The following CD274 variants were observed in gnomAD, a reference collection of about 807,000 sequenced individuals.
The protein encoded by CD274 is programmed cell death 1 ligand 1.
Under a neutral mutation model 30.1 loss-of-function variants are expected in CD274, and 8 were observed. The ratio of observed to expected loss-of-function variants is 0.27; its 90% CI spans 0.16 to 0.48. CD274 has a LOEUF of 0.48. Ranked by LOEUF, CD274 falls within the 20% of genes least tolerant of loss-of-function variation. The pLI is 0.99. For missense variants in CD274, 353 were observed against 346.6 expected (o/e 1.02, Z -0.15); for synonymous variants, 152 against 124.6 (o/e 1.22, Z -1.46).
At chr9:5,466,858 A>G (rs755492179) in intron 6 of CD274, 29 bp downstream of exon 6, 23 of 1,551,076 alleles carry the variant, frequency 1.5e-5, no homozygotes, top group Non-Finnish European at 1.9e-5. Flanking sequence ...ATTGGGAAGT[A>G]AAAGTCAAAG....
rs960400081 is a variant in CD274 at position 5,468,730 on chromosome 9, T to C, written c.*868T>C. 5 of 232,972 alleles carry C rather than the reference T, an allele frequency of 2.1e-5. No homozygotes were observed. The highest frequency in any genetic ancestry group is 1.1e-4 in the African/African-American group (5 of 45,340). 14.4% of individuals were successfully genotyped at this position (232,972 alleles called of 1,614,324 possible). Reference sequence around the variant, plus strand: ...GTGATAACCACTATTATTTTACCCATCGTACAGCTGAGGAAGCAAACAGAT... The same window carrying C: ...GTGATAACCACTATTATTTTACCCACCGTACAGCTGAGGAAGCAAACAGAT... On this transcript the variant is annotated 3_prime_UTR_variant, in exon 7 of 7. Transcript: ENST00000381577.
chr9:5,469,531 T>A lies in CD274; in HGVS notation c.*1669T>A. On this transcript the variant is annotated 3_prime_UTR_variant, in exon 7 of 7. Coordinates refer to ENST00000381577, the MANE Select transcript of CD274 (RefSeq NM_014143.4). ...AAATAGTAACACATTGTATGTCTGCTGTGTACTTTGCTATTTTTATTTATT... is the reference window on the plus strand; with the variant it reads ...AAATAGTAACACATTGTATGTCTGCAGTGTACTTTGCTATTTTTATTTATT... 8.6e-6 allele frequency: 2 copies of A among 231,730 alleles called. No individual in the cohort carries two copies. The highest frequency in any genetic ancestry group is 1.7e-5 in the Non-Finnish European group (2 of 117,122). The allele number at this position is 231,730 out of a possible 1,614,324, so 14.4% of individuals were successfully genotyped here. A position where few individuals can be genotyped will look rare whatever the true frequency, so the allele number is the denominator to read the frequency against.
chr9:5,459,150 C>T (rs186610922), intron 3 of CD274, among the ~76,000 whole-genome samples: 1 of 152,284 alleles, frequency 6.6e-6, no homozygotes, highest in Admixed American at 6.5e-5. Context: ...AATAGGAAAT[C>T]TTCCGGCACT....
At chr9:5,461,330 G>A (rs1192037878) in intron 3 of CD274, among the ~76,000 whole-genome samples, 1 of 152,026 alleles carries the variant, frequency 6.6e-6, no homozygotes, top group African/African-American at 2.4e-5. Flanking sequence ...TTTGTAAGAT[G>A]GTTAGTTTAG....
intron 1 of CD274, 126 bp from the exon 2 acceptor site, chr9:5,455,974 A>G (rs761987958): frequency 9.6e-5 from 61 of 635,780 alleles, no homozygotes; most frequent in Non-Finnish European, 1.5e-4. Context: ...GGTTTCCACA[A>G]TTACAAGTCA....
At chr9:5,465,901 T>A (rs1819491065) in intron 5 of CD274, 1 of 206,602 alleles carries the variant, frequency 4.8e-6, no homozygotes, top group East Asian at 1.0e-4. Context: ...TGCCCGTCAT[T>A]TTCAGTTGCA....
At chr9:5,465,630 G>A (rs2131230477) in intron 5 of CD274, 24 bp downstream of exon 5, 2 of 1,347,908 alleles carry the variant, frequency 1.5e-6, no homozygotes, top group Non-Finnish European at 1.1e-6. Flanking sequence ...AATTGCAGTG[G>A]TCTCCACTGG....
At position 5,465,511 on chromosome 9, in the gene CD274, C is replaced by T. The variant is rs747218330; in HGVS notation, c.695C>T (p.Ala232Val). Residue 232 changes from alanine to valine, a missense_variant, in exon 5 of 7, where the codon GCA becomes GTA. Ala to Val is a moderately conservative substitution (Grantham distance 64, BLOSUM62 0). Coordinates refer to ENST00000381577, the MANE Select transcript of CD274 (RefSeq NM_014143.4). ...AELVIPELPL[A>V]HPPNERTHLV... The stretch of plus-strand genomic sequence containing the variant: ...TTTTGTTTTTCAGAACTACCTCTGG[C>T]ACATCCTCCAAATGAAAGGACTCAC... 4 of 1,605,862 alleles carry T rather than the reference C, an allele frequency of 2.5e-6. No homozygotes were observed. In the South Asian group the frequency reaches 4.4e-5, roughly 18 times the overall value.
chr9:5,463,657 C>G (rs757625724), intron 4 of CD274, among the ~76,000 whole-genome samples: 1 of 152,146 alleles, frequency 6.6e-6, no homozygotes, highest in Non-Finnish European at 1.5e-5. Context: ...CCAAGGTAGT[C>G]TACAATATTT....
chr9:5,455,591 C>A (rs1460388738), intron 1 of CD274, among the ~76,000 whole-genome samples: 3 of 151,966 alleles, frequency 2.0e-5, no homozygotes, highest in African/African-American at 7.3e-5. Context: ...AAGGATGGCA[C>A]CTGAAGGAGG....
chr9:5,458,971 G>C (rs2131215939), intron 3 of CD274, among the ~76,000 whole-genome samples: 1 of 152,304 alleles, frequency 6.6e-6, no homozygotes, highest in East Asian at 1.9e-4. Context: ...CAGGAAGAAG[G>C]CAGCATAAAG....
chr9:5,461,025 A>G (rs1274463188), intron 3 of CD274, among the ~76,000 whole-genome samples: 1 of 152,156 alleles, frequency 6.6e-6, no homozygotes, highest in Non-Finnish European at 1.5e-5. Context: ...AATAAACAAT[A>G]TTTTCAGTTT....
intron 1 of CD274, among the ~76,000 whole-genome samples, chr9:5,451,095 A>G (rs1300902406): frequency 1.3e-5 from 2 of 152,244 alleles, no homozygotes; most frequent in Non-Finnish European, 2.9e-5. Flanking sequence ...AGGAGTCCTA[A>G]AAGAGGAATG....
intron 6 of CD274, 133 bp from the exon 7 acceptor site, chr9:5,467,707 C>A (rs2131235016): frequency 1.2e-6 from 1 of 810,022 alleles, no homozygotes; most frequent in Admixed American, 2.0e-5. Flanking sequence ...CAAATATAAC[C>A]TGCTGCTTTC....
intron 3 of CD274, among the ~76,000 whole-genome samples, chr9:5,460,402 C>T (rs544509383): frequency 1.1e-4 from 17 of 152,120 alleles, no homozygotes; most frequent in African/African-American, 4.1e-4. Flanking sequence ...TCATTTCCTC[C>T]TGGAAATGAC....
At position 5,469,568 on chromosome 9, in the gene CD274, T is replaced by C. The variant is rs1019413774; in HGVS notation, c.*1706T>C. The stretch of plus-strand genomic sequence containing the variant: ...TATTTTTATTTATTTTAGTGTTTCT[T>C]ATATAGCAGATGGAATGAATTTGAA... On this transcript the variant is annotated 3_prime_UTR_variant, in exon 7 of 7. Coordinates refer to ENST00000381577, the MANE Select transcript of CD274 (RefSeq NM_014143.4). The C allele has an allele frequency of 1.6e-4, 37 of 231,892 alleles. No homozygotes were observed. The highest frequency in any genetic ancestry group is 8.2e-4 in the African/African-American group (37 of 45,296). 14.4% of individuals were successfully genotyped at this position (231,892 alleles called of 1,614,324 possible). A position where few individuals can be genotyped will look rare whatever the true frequency, so the allele number is the denominator to read the frequency against.
chr9:5,456,626 C>T (rs1406274554), intron 2 of CD274, among the ~76,000 whole-genome samples: 1 of 152,192 alleles, frequency 6.6e-6, no homozygotes, highest in Non-Finnish European at 1.5e-5. Context: ...CTTTCCTGAA[C>T]TCCATACCAA....
rs541351170 is a variant in CD274 at position 5,457,434 on chromosome 9, T to C, written c.394+14T>C. 7 of 1,593,652 alleles carry C rather than the reference T, an allele frequency of 4.4e-6. No individual in the cohort carries two copies. In the South Asian group the frequency reaches 6.6e-5, roughly 15 times the overall value. ...TGAAAGTCAATGGTAAGAATTATTA[T>C]AGATGAGAGGCCTGATCTTTATTGA... is the stretch of plus-strand genomic sequence containing the variant. On this transcript the variant is annotated intron_variant, in intron 3 of 6. Transcript: ENST00000381577.
chr9:5,457,964 G>T (rs537353182), intron 3 of CD274, among the ~76,000 whole-genome samples: 2 of 152,114 alleles, frequency 1.3e-5, no homozygotes, highest in Non-Finnish European at 2.9e-5. Context: ...CATTAAAAAA[G>T]ACTTGAAGTC....
Sources: gnomAD v4.1 joint callset for allele counts (sites outside exome capture counted in the v4.1 genomes callset) on GRCh38, gnomAD v4.1.1 for gene constraint, MANE v1.5 for transcripts, NCBI Gene and HGNC (gene_info 2026-07-23, HGNC 2026-07-21) for gene names.